The following FER1L6 variants were observed in gnomAD, a reference collection of about 807,000 sequenced individuals.
FER1L6 encodes the protein fer-1 like family member 6, also known as fer-1-like protein 6.
Under a neutral mutation model 219.2 loss-of-function variants are expected in FER1L6, and 177 were observed. The ratio of observed to expected loss-of-function variants is 0.81; its 90% CI spans 0.71 to 0.91. The LOEUF is 0.91. Among genes scored for constraint, FER1L6 ranks in the 40% least tolerant of loss-of-function variants. FER1L6 has a pLI of 0.00. For synonymous variants in FER1L6, 768 were observed against 824.3 expected (o/e 0.93, Z 1.17); for missense variants, 2,153 against 2,259.9 (o/e 0.95, Z 0.96).
chr8:124,104,292 G>T (rs1013034700), intron 39 of FER1L6, among the ~76,000 whole-genome samples: 1 of 152,178 alleles, frequency 6.6e-6, no homozygotes, highest in African/African-American at 2.4e-5. Context: ...ATCAATATTT[G>T]TTGGATGCAA....
rs933920777 is a variant in FER1L6 at position 123,853,725 on chromosome 8, C to A, written c.-8+1540C>A. ...GACATGCTCATGGCTATGATGAAGA[C>A]CTGGAGGAGGAAAAGGCCAGAAAGC... On this transcript the variant is annotated intron_variant, in intron 1 of 40. Transcript: ENST00000522917. This position sits in a 1 kb window ranked among gnomAD's most constrained non-coding sequence, Gnocchi z 6.6. 2.0e-5 allele frequency among the ~76,000 whole-genome samples: 3 copies of A among 152,176 alleles called. No homozygotes were observed. The highest frequency in any genetic ancestry group is 2.9e-5 in the Non-Finnish European group (2 of 68,040).
At chr8:124,034,842 TG>T (rs1330231877) in intron 18 of FER1L6, among the ~76,000 whole-genome samples, 4 of 152,244 alleles carry the variant, frequency 2.6e-5, no homozygotes, top group African/African-American at 7.2e-5. Context: ...AGTCAGGCTA[TG>T]GGGTTCAGAG....
intron 6 of FER1L6, among the ~76,000 whole-genome samples, chr8:123,971,580 A>G (rs1210925909): frequency 6.6e-6 from 1 of 152,222 alleles, no homozygotes; most frequent in Admixed American, 6.5e-5. Context: ...CTGTTTCTCT[A>G]ACTTCGAAGA....
intron 1 of FER1L6, chr8:123,939,024 C>A: frequency 5.7e-6 from 2 of 349,996 alleles, no homozygotes; most frequent in Non-Finnish European, 8.0e-6. Context: ...TCAGCAATTG[C>A]ATTGCACATT....
chr8:124,035,343 T>C lies in FER1L6; in HGVS notation c.2353T>C (p.Ser785Pro). Residue 785 changes from serine (S) to proline (P), a missense_variant, in exon 19 of 41, where the codon TCC becomes CCC. Ser to Pro is a moderately conservative substitution (Grantham distance 74). Coordinates refer to ENST00000522917, the MANE Select transcript of FER1L6 (RefSeq NM_001039112.2). The stretch of plus-strand genomic sequence containing the variant: ...AGTCGACGTGTACCTGTGGCTGGGC[T>C]CCATCAAGCATGCCAGTGCCATTTT... ...AKVDVYLWLG[S>P]IKHASAILDN... The C allele has an allele frequency of 6.2e-7, 1 of 1,614,108 alleles. No individual in the cohort carries two copies. Among genetic ancestry groups the C allele is most frequent in the Non-Finnish European group, 8.5e-7 (1 of 1,179,998 alleles).
intron 1 of FER1L6, among the ~76,000 whole-genome samples, chr8:123,900,762 T>C (rs6997083): frequency 9.8e-5 from 15 of 152,366 alleles, no homozygotes; most frequent in African/African-American, 3.4e-4. Flanking sequence ...GAGATGATCA[T>C]GTGATTCTTG....
intron 1 of FER1L6, among the ~76,000 whole-genome samples, chr8:123,858,529 G>C (rs1484852182): frequency 6.6e-6 from 1 of 152,210 alleles, no homozygotes; most frequent in Non-Finnish European, 1.5e-5. Context: ...GATGGGGACT[G>C]TGCCATCTTC....
intron 33 of FER1L6, among the ~76,000 whole-genome samples, chr8:124,086,073 CTTTAT>C: frequency 6.6e-6 from 1 of 151,334 alleles, no homozygotes. Context: ...TTTTTTAATC[CTTTAT>C]TTTTAGTCTA....
chr8:123,931,620 TTTG>T (rs1338601724), intron 1 of FER1L6, among the ~76,000 whole-genome samples: 3 of 152,198 alleles, frequency 2.0e-5, no homozygotes, highest in Admixed American at 2.0e-4. Context: ...ACAATGTATT[TTTG>T]TTTGTTTTCT....
intron 1 of FER1L6, among the ~76,000 whole-genome samples, chr8:123,936,175 G>T (rs1586485972): frequency 6.6e-6 from 1 of 152,114 alleles, no homozygotes; most frequent in Non-Finnish European, 1.5e-5. Context: ...AATGCCAACA[G>T]CCTAAGTGAA....
chr8:124,089,231 A>G (rs533108236), intron 33 of FER1L6, among the ~76,000 whole-genome samples: 45 of 152,348 alleles, frequency 3.0e-4, no homozygotes, highest in African/African-American at 9.9e-4. Flanking sequence ...TGCTCCTTGC[A>G]TGGGCACCAG....
chr8:124,062,152 C>T, intron 25 of FER1L6, 120 bp downstream of exon 25: 1 of 1,045,466 alleles, frequency 9.6e-7, no homozygotes, highest in Non-Finnish European at 1.4e-6. Context: ...GTGGATCTTT[C>T]TGATGAGCTT....
intron 1 of FER1L6, among the ~76,000 whole-genome samples, chr8:123,894,195 T>A (rs1311019426): frequency 6.6e-6 from 1 of 152,156 alleles, no homozygotes; most frequent in East Asian, 1.9e-4. Context: ...ACTCACCAGA[T>A]TATCACATCC....
chr8:124,001,770 G>A (rs764540004), intron 12 of FER1L6, among the ~76,000 whole-genome samples: 1 of 152,134 alleles, frequency 6.6e-6, no homozygotes, highest in Admixed American at 6.5e-5. Context: ...TTTATTCCAC[G>A]ACCAGTGGAG....
intron 1 of FER1L6, among the ~76,000 whole-genome samples, chr8:123,907,587 T>C (rs890063671): frequency 1.8e-4 from 28 of 151,510 alleles, no homozygotes; most frequent in African/African-American, 5.6e-4. Flanking sequence ...TATCTAAACC[T>C]CCTTCCTATG....
chr8:124,072,777 G>A (rs1022539337), intron 31 of FER1L6, among the ~76,000 whole-genome samples: 54 of 152,112 alleles, frequency 3.6e-4, no homozygotes, highest in African/African-American at 1.3e-3. Flanking sequence ...TGACAATGTT[G>A]GGTAGTCAAC....
chr8:124,038,796 A>G (rs752292773), intron 19 of FER1L6, among the ~76,000 whole-genome samples: 2 of 152,184 alleles, frequency 1.3e-5, no homozygotes, highest in Non-Finnish European at 2.9e-5. Context: ...GGGTATTTGT[A>G]CCCTTAATTT....
intron 31 of FER1L6, among the ~76,000 whole-genome samples, chr8:124,075,717 C>G (rs1821255774): frequency 6.6e-6 from 1 of 152,170 alleles, no homozygotes; most frequent in African/African-American, 2.4e-5. Context: ...TGTTGCACTA[C>G]AATGCTGCAA....
intron 7 of FER1L6, among the ~76,000 whole-genome samples, chr8:123,974,680 A>AAAAAAAAAAAAAAAT (rs1362934333): frequency 2.0e-5 from 3 of 148,490 alleles, no homozygotes; most frequent in Non-Finnish European, 4.5e-5. Context: ...AAAAAAAAAA[A>AAAAAAAAAAAAAAAT]AAGAAATGTG....
Sources: allele counts gnomAD v4.1 joint callset (sites outside exome capture counted in the v4.1 genomes callset), GRCh38; gene constraint gnomAD v4.1.1; non-coding constraint Gnocchi (gnomAD v3.1); transcripts MANE v1.5; gene names NCBI Gene and HGNC (gene_info 2026-07-23, HGNC 2026-07-21).